The following DYSF variants were observed in gnomAD, a reference collection of about 807,000 sequenced individuals.
DYSF encodes dysferlin, also known as dystrophy-associated fer-1-like 1.
Under a neutral mutation model 274.9 loss-of-function variants are expected in DYSF, and 212 were observed. That is an observed-to-expected ratio of 0.77 (90% CI 0.69 to 0.86). The LOEUF is 0.86. Among genes scored for constraint, DYSF ranks in the 40% least tolerant of loss-of-function variants. DYSF has a pLI of 0.00. For synonymous variants in DYSF, 1,091 were observed against 1,078.7 expected (o/e 1.01, Z -0.22); for missense variants, 2,666 against 2,783.2 (o/e 0.96, Z 0.95).
chr2:71,505,531 C>G (rs916413224), intron 4 of DYSF, among the ~76,000 whole-genome samples: 1 of 152,236 alleles, frequency 6.6e-6, no homozygotes, highest in Admixed American at 6.5e-5. Flanking sequence ...CTGCCGCAGG[C>G]TGACTGCAGA....
chr2:71,653,896 C>T (rs562146469), intron 42 of DYSF, among the ~76,000 whole-genome samples: 22 of 151,534 alleles, frequency 1.5e-4, no homozygotes, highest in Non-Finnish European at 2.1e-4. Flanking sequence ...GATAATCAAA[C>T]GTAACCATAA....
At chr2:71,681,220 T>A in intron 54 of DYSF, 110 bp downstream of exon 54, 1 of 1,028,236 alleles carries the variant, frequency 9.7e-7, no homozygotes, top group Non-Finnish European at 1.5e-6. Context: ...CCCACGTGGC[T>A]CAGAGAGGGG....
intron 13 of DYSF, 72 bp downstream of exon 13, chr2:71,526,418 T>TGGGGGGGGGGGGGGGGGGGTG: frequency 4.6e-5 from 12 of 261,490 alleles, no homozygotes; most frequent in East Asian, 9.4e-5. Flanking sequence ...GGGTGGGCGA[T>TGGGGGGGGGGGGGGGGGGGTG]GGCGGGCGGG....
At chr2:71,463,651 T>A (rs563833840), upstream of DYSF, among the ~76,000 whole-genome samples, 116 of 152,358 alleles carry the variant, frequency 7.6e-4, no homozygotes, top group African/African-American at 2.7e-3. Context: ...TGATCTGCTG[T>A]CCATGATGTC....
At chr2:71,547,376 T>A (rs1814332) in intron 17 of DYSF, among the ~76,000 whole-genome samples, 109,934 of 152,156 alleles carry the variant, frequency 0.72, 41,055 homozygotes, top group Non-Finnish European at 0.8. Context: ...GGTTGGGTGC[T>A]GTGGCTCACA....
intron 19 of DYSF, among the ~76,000 whole-genome samples, chr2:71,552,266 T>A (rs1032945711): frequency 1.3e-5 from 2 of 152,232 alleles, no homozygotes; most frequent in Admixed American, 1.3e-4. Context: ...TCGCTCTGGT[T>A]TGAATCCTGG....
rs766215254 is a variant in DYSF at position 71,535,219 on chromosome 2, C to T, written c.1450-49C>T. The T allele has an allele frequency of 1.9e-6, 3 of 1,606,446 alleles. No homozygotes were observed. In the East Asian group the frequency reaches 6.7e-5, roughly 36 times the overall value. On this transcript the variant is annotated intron_variant, in intron 15 of 55. Transcript: ENST00000410020. ...CAGCTCGGGGTAGGGAGGGGCTGTTCTATCTTCAAAAGGACTCTTCTCCCA... is the reference window on the plus strand; with the variant it reads ...CAGCTCGGGGTAGGGAGGGGCTGTTTTATCTTCAAAAGGACTCTTCTCCCA...
chr2:71,548,958 C>T (rs1052919692), intron 17 of DYSF, among the ~76,000 whole-genome samples: 3 of 152,186 alleles, frequency 2.0e-5, no homozygotes, highest in South Asian at 2.1e-4. Context: ...CCCACCCTCC[C>T]GTTGTGTCTG....
chr2:71,593,840 A>G (rs2093339056), intron 32 of DYSF, among the ~76,000 whole-genome samples: 1 of 152,212 alleles, frequency 6.6e-6, no homozygotes, highest in Admixed American at 6.5e-5. Context: ...CCCTCAGCTT[A>G]GGAGGGGCCC....
intron 21 of DYSF, among the ~76,000 whole-genome samples, chr2:71,555,159 C>T (rs1261393214): frequency 3.9e-5 from 6 of 152,114 alleles, no homozygotes; most frequent in South Asian, 2.1e-4. Context: ...AGGAGACCAG[C>T]GAATGCTGAG....
chr2:71,520,761 G>A, intron 11 of DYSF, 28 bp from the exon 12 acceptor site: 1 of 1,606,006 alleles, frequency 6.2e-7, no homozygotes, highest in Non-Finnish European at 8.5e-7. Flanking sequence ...CTGATTCTGG[G>A]ATCACCAGAG....
intron 1 of DYSF, 40 bp downstream of exon 1, chr2:71,466,973 A>T (rs944131345): frequency 1.9e-6 from 3 of 1,538,836 alleles, no homozygotes; most frequent in Admixed American, 2.0e-5. Flanking sequence ...CTCGGGTGCT[A>T]CCCGACTCTC....
intron 36 of DYSF, among the ~76,000 whole-genome samples, chr2:71,608,616 C>T (rs1471364549): frequency 2.0e-5 from 3 of 152,140 alleles, no homozygotes; most frequent in Non-Finnish European, 4.4e-5. Context: ...CTTCTCCAAA[C>T]GGTATTGGAG....
chr2:71,606,405 A>T (rs4852813), intron 36 of DYSF, among the ~76,000 whole-genome samples: 46,736 of 151,786 alleles, frequency 0.31, 7,915 homozygotes, highest in South Asian at 0.44. Context: ...GTCCTCCATC[A>T]ACCCTAGGAC....
chr2:71,666,565 T>A (rs1012142213), intron 47 of DYSF, among the ~76,000 whole-genome samples: 1 of 152,252 alleles, frequency 6.6e-6, no homozygotes, highest in Non-Finnish European at 1.5e-5. Flanking sequence ...CATAGTGGGC[T>A]CCAAGTTCAT....
chr2:71,568,974 G>A (rs984341592), intron 26 of DYSF, among the ~76,000 whole-genome samples: 12 of 151,962 alleles, frequency 7.9e-5, no homozygotes, highest in Non-Finnish European at 1.8e-4. Flanking sequence ...CCGGGTTCAC[G>A]CCATTCTCCG....
upstream of DYSF, among the ~76,000 whole-genome samples, chr2:71,462,895 G>C (rs1166931197): frequency 6.6e-6 from 1 of 152,204 alleles, no homozygotes; most frequent in Non-Finnish European, 1.5e-5. Flanking sequence ...GGAAGTGTGT[G>C]CTGTTTGGTC....
intron 42 of DYSF, among the ~76,000 whole-genome samples, chr2:71,651,307 T>C (rs1194350169): frequency 3.9e-5 from 6 of 152,098 alleles, no homozygotes; most frequent in Middle Eastern, 3.2e-3. Flanking sequence ...TAGTCTACTT[T>C]AGAGAAGTAG....
intron 13 of DYSF, 45 bp from the exon 14 acceptor site, chr2:71,528,253 G>A (rs1260490657): frequency 6.5e-7 from 1 of 1,549,178 alleles, no homozygotes; most frequent in East Asian, 2.3e-5. Context: ...GGGTTTTAGA[G>A]GAGAGACAGC....
Sources: gnomAD v4.1 joint callset for allele counts (sites outside exome capture counted in the v4.1 genomes callset) on GRCh38, gnomAD v4.1.1 for gene constraint, MANE v1.5 for transcripts, NCBI Gene and HGNC (gene_info 2026-07-23, HGNC 2026-07-21) for gene names.